PITPNM3: variants seen among roughly 807,000 people sequenced by gnomAD.
The protein encoded by PITPNM3 is membrane-associated phosphatidylinositol transfer protein 3.
In PITPNM3, 26 loss-of-function variants were observed where a neutral mutation model predicts 102.0. The ratio of observed to expected loss-of-function variants is 0.25; its 90% CI spans 0.19 to 0.35. The LOEUF is 0.35. Ranked by LOEUF, PITPNM3 falls within the 10% of genes least tolerant of loss-of-function variation. The pLI, the probability that PITPNM3 is intolerant of heterozygous loss-of-function variation, is 1.00. For synonymous variants in PITPNM3, 578 were observed against 558.6 expected (o/e 1.03, Z -0.49); for missense variants, 1,083 against 1,346.1 (o/e 0.80, Z 3.06).
chr17:6,468,347 C>T lies in PITPNM3; in HGVS notation c.1774-6G>A. The stretch of plus-strand genomic sequence containing the variant: ...ACGCTCTCATAGCGCATTACCTAGC[C>T]AAGAGCCGAGCAGGGCCCCGGTCAG... On this transcript the variant is annotated splice_polypyrimidine_tract_variant and splice_region_variant and intron_variant, in intron 13 of 19. Coordinates refer to ENST00000262483, the MANE Select transcript of PITPNM3 (RefSeq NM_031220.4). This position sits in a 1 kb window ranked among gnomAD's most constrained non-coding sequence, Gnocchi z 5.2. The T allele has an allele frequency of 6.2e-7, 1 of 1,613,998 alleles. No homozygotes were observed.
chr17:6,528,486 GTGCA>G lies in PITPNM3; in HGVS notation c.119-3027_119-3024del, dbSNP rs201239384. Among the ~76,000 whole-genome samples the G allele has an allele frequency of 2.6e-3, 389 of 152,134 alleles. 4 individuals carry two copies. The highest frequency in any genetic ancestry group is 8.8e-3 in the African/African-American group (364 of 41,462). On this transcript the variant is annotated intron_variant, in intron 2 of 19. Coordinates refer to ENST00000262483, the MANE Select transcript of PITPNM3 (RefSeq NM_031220.4). ...TGCATGTGTGTGTGCATGCATGTGT[GTGCA>G]TGCATGTGTGAGTGCATACATGCAT...
At chr17:6,461,342 ATGGAGT>A (rs1435207993) in intron 18 of PITPNM3, 25 bp downstream of exon 18, 6 of 1,609,096 alleles carry the variant, frequency 3.7e-6, no homozygotes, top group Non-Finnish European at 4.3e-6. Context: ...CTCTCAAGCC[ATGGAGT>A]CCCCACCCCA....
At chr17:6,524,676 G>A (rs1908724099) in intron 3 of PITPNM3, among the ~76,000 whole-genome samples, 1 of 152,120 alleles carries the variant, frequency 6.6e-6, no homozygotes, top group South Asian at 2.1e-4. Context: ...CACATATCTT[G>A]ACTTATACGT....
chr17:6,546,752 C>T (rs1910040227), intron 1 of PITPNM3, among the ~76,000 whole-genome samples: 2 of 152,236 alleles, frequency 1.3e-5, no homozygotes, highest in Admixed American at 6.5e-5. Context: ...CGCCCGTAAT[C>T]CCAGCACTTT....
At position 6,455,530 on chromosome 17, in the gene PITPNM3, G is replaced by A. The variant is rs1474061486; in HGVS notation, c.2733C>T (p.His911=). Residue 911 remains histidine (H), a synonymous_variant, in exon 20 of 20, where the codon CAC becomes CAT. Coordinates refer to ENST00000262483, the MANE Select transcript of PITPNM3 (RefSeq NM_031220.4). ...MILRKGSFGL[H]AQPEFLRKRN... is the part of the protein sequence containing the mutation. ...GCTTCCGCAGGAACTCTGGCTGCGC[G>A]TGCAGCCCGAAGCTGCCCTTGCGCA... 3.7e-6 allele frequency: 6 copies of A among 1,604,918 alleles called. No individual in the cohort carries two copies. The South Asian group carries it at 4.4e-5, about 12-fold the overall frequency.
At chr17:6,502,700 T>C (rs1907257650) in intron 4 of PITPNM3, among the ~76,000 whole-genome samples, 1 of 152,182 alleles carries the variant, frequency 6.6e-6, no homozygotes, top group African/African-American at 2.4e-5. Context: ...AGGAAAGTTC[T>C]GAGCACAACC....
At chr17:6,486,676 G>C (rs1296330751) in intron 4 of PITPNM3, among the ~76,000 whole-genome samples, 2 of 152,156 alleles carry the variant, frequency 1.3e-5, no homozygotes, top group Non-Finnish European at 2.9e-5. Context: ...CCATTGGCTA[G>C]GCTCTCCTGC....
At chr17:6,511,546 T>C (rs1028630914) in intron 3 of PITPNM3, among the ~76,000 whole-genome samples, 12 of 152,174 alleles carry the variant, frequency 7.9e-5, no homozygotes, top group African/African-American at 2.9e-4. Flanking sequence ...TGTGGGTCCC[T>C]TTGTTCAAAC....
chr17:6,474,427 C>G lies in PITPNM3; in HGVS notation c.1258+5G>C. On this transcript the variant is annotated splice_donor_5th_base_variant and intron_variant, in intron 10 of 19. Transcript: ENST00000262483. ...ACCTCAGGCCCCAGCCCACACCATC[C>G]CTACCGTCCAGCCCAGGCAGCACCG... The G allele has an allele frequency of 6.2e-7, 1 of 1,613,070 alleles. No homozygotes were observed. The highest frequency in any genetic ancestry group is 8.5e-7 in the Non-Finnish European group (1 of 1,179,838).
intron 15 of PITPNM3, 49 bp from the exon 16 acceptor site, chr17:6,464,367 A>G: frequency 6.2e-7 from 1 of 1,601,700 alleles, no homozygotes; most frequent in Non-Finnish European, 8.5e-7. Flanking sequence ...GAGGGGCTAC[A>G]GGCTTGGCAG....
rs561892285 is a variant in PITPNM3 at position 6,497,750 on chromosome 17, G to A, written c.274+5777C>T. On this transcript the variant is annotated intron_variant, in intron 4 of 19. Coordinates refer to ENST00000262483, the MANE Select transcript of PITPNM3 (RefSeq NM_031220.4). ...ACCAGCATGGCTTTGGGTCACATGT[G>A]TCAGGTGGCTGTTGTCATCCACACA... 3.9e-5 allele frequency among the ~76,000 whole-genome samples: 6 copies of A among 152,326 alleles called. No individual in the cohort carries two copies. In the East Asian group the frequency reaches 5.8e-4, roughly 15 times the overall value.
At chr17:6,525,531 A>C in intron 2 of PITPNM3, 68 bp from the exon 3 acceptor site, 2 of 1,141,860 alleles carry the variant, frequency 1.8e-6, no homozygotes, top group Non-Finnish European at 1.3e-6. Flanking sequence ...TCAGGAGCTT[A>C]TGTCTGAGGG....
In PITPNM3 at chr17:6,483,755, G is replaced by A. The variant is rs1348272699; in HGVS notation, c.352-3C>T. ...CAGGAGCGCTGCGGGCAGCCTTCCTGAGAGCCAAGGCGGTTGGAATACAGA... is the reference window on the plus strand; with the variant it reads ...CAGGAGCGCTGCGGGCAGCCTTCCTAAGAGCCAAGGCGGTTGGAATACAGA... On this transcript the variant is annotated splice_region_variant and splice_polypyrimidine_tract_variant and intron_variant, in intron 5 of 19. Transcript: ENST00000262483. 1.2e-6 allele frequency: 2 copies of A among 1,610,826 alleles called. No individual in the cohort carries two copies. The highest frequency in any genetic ancestry group is 1.3e-5 in the African/African-American group (1 of 74,920).
intron 4 of PITPNM3, among the ~76,000 whole-genome samples, chr17:6,492,204 C>T (rs1272639427): frequency 1.6e-5 from 1 of 63,018 alleles, no homozygotes; most frequent in Non-Finnish European, 3.2e-5. Flanking sequence ...GCTGGGACTA[C>T]AGGCGCCCCC....
intron 4 of PITPNM3, among the ~76,000 whole-genome samples, chr17:6,487,526 CGG>C (rs1199474606): frequency 6.6e-6 from 1 of 152,184 alleles, no homozygotes; most frequent in African/African-American, 2.4e-5. Flanking sequence ...GCATGCTCCT[CGG>C]CCTTGCTGGG....
At chr17:6,535,966 A>C (rs1480271994) in intron 2 of PITPNM3, among the ~76,000 whole-genome samples, 2 of 151,538 alleles carry the variant, frequency 1.3e-5, no homozygotes, top group Non-Finnish European at 2.9e-5. Context: ...TGGGAGGCTG[A>C]GGCAGGAGAA....
At chr17:6,505,864 C>T (rs1027515992) in intron 3 of PITPNM3, among the ~76,000 whole-genome samples, 2 of 152,154 alleles carry the variant, frequency 1.3e-5, no homozygotes, top group Non-Finnish European at 2.9e-5. Context: ...AGAGGCGAGA[C>T]CGGCGGGGAG....
chr17:6,545,742 GC>G lies in PITPNM3; in HGVS notation c.23-7661del, dbSNP rs1453540631. ...AAGTCTTTCTTGGCCCCTGAGGCCAGCCCGGGTGCCTGTCTCCTTGTGGGTC... is the reference window on the plus strand; with the variant it reads ...AAGTCTTTCTTGGCCCCTGAGGCCAGCCGGGTGCCTGTCTCCTTGTGGGTC... On this transcript the variant is annotated intron_variant, in intron 1 of 19. Transcript: ENST00000262483. 1.4e-4 allele frequency among the ~76,000 whole-genome samples: 19 copies of G among 135,594 alleles called. No individual in the cohort carries two copies. In the East Asian group the frequency reaches 3.2e-3, roughly 23 times the overall value. The allele number at this position is 135,594 out of a possible 152,430, so 89.0% of individuals were successfully genotyped here. A position where few individuals can be genotyped will look rare whatever the true frequency, so the allele number is the denominator to read the frequency against.
chr17:6,464,622 G>C lies in PITPNM3; in HGVS notation c.2007+33C>G, dbSNP rs1451607729. ...CCATGAGGCACCTGGTGCAGGTGGA[G>C]TGGCTGAGGAGGGGAGGCCCAGCCC... is the stretch of plus-strand genomic sequence containing the variant. On this transcript the variant is annotated intron_variant, in intron 15 of 19. Transcript: ENST00000262483. 3.2e-6 allele frequency: 5 copies of C among 1,580,842 alleles called. No individual in the cohort carries two copies. In the Admixed American group the frequency reaches 6.7e-5, roughly 21 times the overall value.
Sources: gnomAD v4.1 joint callset for allele counts (sites outside exome capture counted in the v4.1 genomes callset) on GRCh38, gnomAD v4.1.1 for gene constraint, Gnocchi (gnomAD v3.1) non-coding constraint, MANE v1.5 for transcripts, NCBI Gene and HGNC (gene_info 2026-07-23, HGNC 2026-07-21) for gene names.